Variants in METTL15 observed in about 807,000 individuals in gnomAD.
METTL15 encodes the protein 12S rRNA N(4)-cytidine methyltransferase METTL15.
A neutral mutation model predicts 38.3 loss-of-function variants in METTL15; 34 were observed. That is an observed-to-expected ratio of 0.89 (90% CI 0.68 to 1.18). The LOEUF (loss-of-function observed/expected upper bound fraction) is 1.18, where lower values mean the gene tolerates loss of function less well. Among genes scored for constraint, METTL15 ranks in the 50% most tolerant of loss-of-function variants. METTL15 has a pLI of 0.00. For synonymous variants in METTL15, 162 were observed against 170.9 expected (o/e 0.95, Z 0.41); for missense variants, 438 against 498.4 (o/e 0.88, Z 1.15).
intron 5 of METTL15, among the ~76,000 whole-genome samples, chr11:28,366,590 G>A (rs948038031): frequency 2.6e-5 from 4 of 152,188 alleles, no homozygotes; most frequent in African/African-American, 9.6e-5. Context: ...AGCCTACCTA[G>A]TAGGGCTTCC....
intron 4 of METTL15, among the ~76,000 whole-genome samples, chr11:28,281,785 C>T (rs1856065468): frequency 6.6e-6 from 1 of 152,074 alleles, no homozygotes; most frequent in Admixed American, 6.6e-5. Flanking sequence ...GAGCACTGGA[C>T]AGTCTTAACT....
At chr11:28,157,122 GGA>G (rs775955595) in intron 3 of METTL15, among the ~76,000 whole-genome samples, 1 of 152,270 alleles carries the variant, frequency 6.6e-6, no homozygotes, top group South Asian at 2.1e-4. Context: ...ACTGATCCTG[GGA>G]GAGGTATTCC....
At position 28,431,190 on chromosome 11, in the gene METTL15, G is replaced by A. The variant is rs1304946155; in HGVS notation, c.*424+6826G>A. On this transcript the variant is annotated intron_variant and NMD_transcript_variant, in intron 6 of 7. Transcript: ENST00000532947. ...AGCCCCCTGCCCGGCCATCCGCCCC[G>A]TCCGGGAGGTGAGGGGCGCCTCTGC... Among the ~76,000 whole-genome samples the A allele has an allele frequency of 7.8e-5, 9 of 115,140 alleles. 1 individual carries two copies. Among genetic ancestry groups the A allele is most frequent in the South Asian group, 2.8e-4 (1 of 3,522 alleles). 75.5% of individuals were successfully genotyped at this position (115,140 alleles called of 152,430 possible).
At chr11:28,339,595 A>G (rs1201649307) in intron 3 of METTL15, among the ~76,000 whole-genome samples, 1 of 151,928 alleles carries the variant, frequency 6.6e-6, no homozygotes, top group Non-Finnish European at 1.5e-5. Flanking sequence ...CTCAGGTGTA[A>G]TTGGCCTCCC....
chr11:28,219,574 G>C (rs1178071989), intron 4 of METTL15, among the ~76,000 whole-genome samples: 1 of 152,008 alleles, frequency 6.6e-6, no homozygotes, highest in African/African-American at 2.4e-5. Context: ...GTTCTGCTCT[G>C]ATGTTAGTTA....
intron 6 of METTL15, among the ~76,000 whole-genome samples, chr11:28,466,411 T>C (rs996339967): frequency 6.6e-6 from 1 of 152,198 alleles, no homozygotes; most frequent in African/African-American, 2.4e-5. Context: ...TGGAGAAACC[T>C]GTTTTCTTAA....
intron 5 of METTL15, among the ~76,000 whole-genome samples, chr11:28,402,092 A>T (rs1402871221): frequency 6.6e-6 from 1 of 151,964 alleles, no homozygotes; most frequent in African/African-American, 2.4e-5. Context: ...ATAGGTCAAA[A>T]ACGTTGTGAA....
intron 6 of METTL15, among the ~76,000 whole-genome samples, chr11:28,493,721 G>C (rs1473523904): frequency 6.6e-6 from 1 of 152,022 alleles, no homozygotes; most frequent in East Asian, 1.9e-4. Context: ...TGAATGTATG[G>C]GTTTAGTTTG....
intron 4 of METTL15, among the ~76,000 whole-genome samples, chr11:28,248,519 A>C (rs1854606578): frequency 6.6e-6 from 1 of 152,060 alleles, no homozygotes; most frequent in South Asian, 2.1e-4. Context: ...GAAGTGAAAG[A>C]TCCACCTCCC....
At chr11:28,476,643 G>C (rs1365710459) in intron 6 of METTL15, among the ~76,000 whole-genome samples, 1 of 152,148 alleles carries the variant, frequency 6.6e-6, no homozygotes, top group Non-Finnish European at 1.5e-5. Flanking sequence ...TTTCCTTTCA[G>C]ACCATGTAGA....
chr11:28,287,156 A>ATGTGTGTGTGTGTGTGTGTG (rs150235421), intron 4 of METTL15: 1 of 140,372 alleles, frequency 7.1e-6, no homozygotes. Context: ...GAGAGAGACA[A>ATGTGTGTGTGTGTGTGTGTG]TGTGTGTGTG....
intron 6 of METTL15, among the ~76,000 whole-genome samples, chr11:28,433,261 C>T (rs1436775830): frequency 6.8e-6 from 1 of 146,770 alleles, no homozygotes; most frequent in African/African-American, 2.5e-5. Flanking sequence ...CTTCTCATTT[C>T]TTCATTCATT....
At chr11:28,524,123 G>A (rs954351182) in intron 6 of METTL15, among the ~76,000 whole-genome samples, 3 of 152,238 alleles carry the variant, frequency 2.0e-5, no homozygotes, top group African/African-American at 4.8e-5. Context: ...TTACCAAGAT[G>A]TTACTAGGAA....
chr11:28,377,473 G>A (rs1350437361), intron 5 of METTL15, among the ~76,000 whole-genome samples: 1 of 151,978 alleles, frequency 6.6e-6, no homozygotes, highest in Non-Finnish European at 1.5e-5. Context: ...CTTCTGTGTT[G>A]TTCACGTAGT....
intron 6 of METTL15, among the ~76,000 whole-genome samples, chr11:28,298,082 T>A (rs1343179455): frequency 6.6e-6 from 1 of 152,028 alleles, no homozygotes; most frequent in African/African-American, 2.4e-5. Context: ...AACTTACCAT[T>A]GAGATTTCTT....
intron 5 of METTL15, among the ~76,000 whole-genome samples, chr11:28,422,706 TA>T (rs1850831226): frequency 6.6e-6 from 1 of 151,954 alleles, no homozygotes; most frequent in South Asian, 2.1e-4. Context: ...CAAAAGGGAT[TA>T]AAAACTTAAA....
At chr11:28,222,811 A>C (rs1197491818) in intron 4 of METTL15, among the ~76,000 whole-genome samples, 1 of 152,230 alleles carries the variant, frequency 6.6e-6, no homozygotes, top group Non-Finnish European at 1.5e-5. Flanking sequence ...AGCAAATTTG[A>C]AAAATAAATG....
chr11:28,244,064 C>T (rs1854413404), intron 4 of METTL15, among the ~76,000 whole-genome samples: 1 of 151,930 alleles, frequency 6.6e-6, no homozygotes, highest in South Asian at 2.1e-4. Context: ...AAATAGGCAA[C>T]CTAATAATAT....
chr11:28,272,457 C>CT (rs960195449), intron 4 of METTL15, among the ~76,000 whole-genome samples: 1 of 152,144 alleles, frequency 6.6e-6, no homozygotes, highest in African/African-American at 2.4e-5. Flanking sequence ...TCTCAGCAAA[C>CT]TAACACAGGA....
Sources: gnomAD v4.1 joint callset for allele counts (sites outside exome capture counted in the v4.1 genomes callset) on GRCh38, gnomAD v4.1.1 for gene constraint, MANE v1.5 for transcripts, NCBI Gene and HGNC (gene_info 2026-07-23, HGNC 2026-07-21) for gene names.